CERKL: variants seen among roughly 807,000 people sequenced by gnomAD.
The protein encoded by CERKL is ceramide kinase-like protein.
A neutral mutation model predicts 63.4 loss-of-function variants in CERKL; 61 were observed. The observed-to-expected ratio is 0.96, with a 90% CI of 0.78 to 1.19. CERKL has a LOEUF of 1.19. Among genes scored for constraint, CERKL ranks in the 50% most tolerant of loss-of-function variants. CERKL has a pLI of 0.00. For missense variants in CERKL, 675 were observed against 655.5 expected, an observed-to-expected ratio of 1.03 and a Z score of -0.33; for synonymous variants, 250 against 230.5, an observed-to-expected ratio of 1.08 and a Z score of -0.77.
rs1264403798 is a variant in CERKL at position 181,549,657 on chromosome 2, G to A, written c.872C>T (p.Thr291Ile). ...HSLHGVPHVITATLHIIMGHV... is the reference protein window; with the variant it reads ...HSLHGVPHVIIATLHIIMGHV... Reference sequence around the variant, plus strand: ...ACCCATTATAATGTGCAATGTTGCAGTTATCACATGAGGAACTCCATGAAG... The same window carrying A: ...ACCCATTATAATGTGCAATGTTGCAATTATCACATGAGGAACTCCATGAAG... Residue 291 changes from threonine (T) to isoleucine (I), a missense_variant, in exon 6 of 13, where the codon ACT becomes ATT. By Grantham distance (89) the Thr-to-Ile change is moderately conservative. Coordinates refer to ENST00000410087, the MANE Select transcript of CERKL (RefSeq NM_201548.5). 3 of 1,611,874 alleles carry A rather than the reference G, an allele frequency of 1.9e-6. No homozygotes were observed. The highest frequency in any genetic ancestry group is 1.3e-5 in the African/African-American group (1 of 74,944).
At chr2:181,648,808 A>G (rs1013998226) in intron 1 of CERKL, among the ~76,000 whole-genome samples, 1 of 152,238 alleles carries the variant, frequency 6.6e-6, no homozygotes, top group African/African-American at 2.4e-5. Context: ...AAAAAAGTCT[A>G]GAGTATTTTT....
chr2:181,650,500 T>C (rs991321980), intron 1 of CERKL, among the ~76,000 whole-genome samples: 4 of 152,186 alleles, frequency 2.6e-5, no homozygotes, highest in African/African-American at 9.7e-5. Context: ...GGCTCATGCC[T>C]GTAATCCCAG....
In CERKL at chr2:181,536,785, TTATTTTATGCTTATGATCTAGA is replaced by T; in HGVS notation, c.*1377_*1398del. 4.1e-6 allele frequency: 1 copy of T among 246,582 alleles called. No homozygotes were observed. Among genetic ancestry groups the T allele is most frequent in the Admixed American group, 5.1e-5 (1 of 19,632 alleles). The allele number at this position is 246,582 out of a possible 1,614,324, so 15.3% of individuals were successfully genotyped here. A position where few individuals can be genotyped will look rare whatever the true frequency, so the allele number is the denominator to read the frequency against. Reference sequence around the variant, plus strand: ...TTAAATACAATCATTTTTGTAATATTTATTTTATGCTTATGATCTAGATAATTGCAGAATATCATTTTATCTG... The same window carrying T: ...TTAAATACAATCATTTTTGTAATATTTAATTGCAGAATATCATTTTATCTG... On this transcript the variant is annotated 3_prime_UTR_variant, in exon 13 of 13. Transcript: ENST00000410087.
At chr2:181,567,424 G>A (rs10490686) in intron 3 of CERKL, among the ~76,000 whole-genome samples, 60,940 of 151,904 alleles carry the variant, frequency 0.4, 13,208 homozygotes, top group African/African-American at 0.56. Flanking sequence ...AAGTTTTTCA[G>A]ATCCAATAAT....
chr2:181,609,163 A>G (rs936199442), intron 1 of CERKL, among the ~76,000 whole-genome samples: 1 of 151,964 alleles, frequency 6.6e-6, no homozygotes, highest in African/African-American at 2.4e-5. Flanking sequence ...TGTGCAGCTG[A>G]GTTACATATG....
At position 181,605,053 on chromosome 2, in the gene CERKL, A is replaced by G. The variant is rs143852146; in HGVS notation, c.239-974T>C. Among the ~76,000 whole-genome samples the G allele has an allele frequency of 2.8e-3, 433 of 152,340 alleles. 2 individuals are homozygous for G. Among genetic ancestry groups the G allele is most frequent in the Admixed American group, 4.9e-3 (75 of 15,310 alleles). Reference sequence around the variant, plus strand: ...AAACTAGTTTTACCTTTCACCTAAAACTACAAAAGCACACAAGATACGTGA... The same window carrying G: ...AAACTAGTTTTACCTTTCACCTAAAGCTACAAAAGCACACAAGATACGTGA... On this transcript the variant is annotated intron_variant, in intron 1 of 12. Transcript: ENST00000410087.
intron 1 of CERKL, among the ~76,000 whole-genome samples, chr2:181,655,813 T>TCTC (rs1688128144): frequency 6.6e-6 from 1 of 152,224 alleles, no homozygotes; most frequent in Non-Finnish European, 1.5e-5. Flanking sequence ...CCCCAAGTCA[T>TCTC]CTCCTCGCAA....
At chr2:181,598,816 C>A (rs1175612862) in intron 2 of CERKL, among the ~76,000 whole-genome samples, 1 of 151,894 alleles carries the variant, frequency 6.6e-6, no homozygotes, top group Admixed American at 6.6e-5. Flanking sequence ...TGAAAGCACC[C>A]AGAAACAAAG....
At chr2:181,614,655 A>G (rs1209048094) in intron 1 of CERKL, among the ~76,000 whole-genome samples, 1 of 152,186 alleles carries the variant, frequency 6.6e-6, no homozygotes, top group African/African-American at 2.4e-5. Context: ...TTATAGTACA[A>G]GTTTCTGCTA....
chr2:181,617,325 G>A (rs1686240961), intron 1 of CERKL: 1 of 152,172 alleles, frequency 6.6e-6, no homozygotes, highest in African/African-American at 2.4e-5. Context: ...AGTCGCAGCT[G>A]AACTAGCTGT....
intron 2 of CERKL, among the ~76,000 whole-genome samples, chr2:181,594,929 G>A (rs1288916087): frequency 6.6e-6 from 1 of 152,110 alleles, no homozygotes; most frequent in Non-Finnish European, 1.5e-5. Flanking sequence ...TATCATTAAT[G>A]ATAGTCTAAT....
chr2:181,629,599 C>G (rs1195002847), intron 1 of CERKL, among the ~76,000 whole-genome samples: 1 of 150,578 alleles, frequency 6.6e-6, no homozygotes, highest in East Asian at 2.0e-4. Context: ...GTGGTTCTGA[C>G]ACTACTCTCT....
At chr2:181,589,655 C>CA (rs1375430914) in intron 2 of CERKL, among the ~76,000 whole-genome samples, 1 of 152,014 alleles carries the variant, frequency 6.6e-6, no homozygotes, top group South Asian at 2.1e-4. Context: ...TTCTACCATA[C>CA]AAAAAATAAA....
intron 2 of CERKL, among the ~76,000 whole-genome samples, chr2:181,580,287 C>T (rs1033061243): frequency 5.3e-5 from 8 of 151,818 alleles, no homozygotes; most frequent in Non-Finnish European, 8.8e-5. Context: ...ATCAGCTTTT[C>T]GTTGCTGCTG....
chr2:181,607,315 T>G (rs1371093843), intron 1 of CERKL, among the ~76,000 whole-genome samples: 3 of 152,222 alleles, frequency 2.0e-5, no homozygotes, highest in African/African-American at 7.2e-5. Flanking sequence ...TTGATCATAT[T>G]ATGAAGTTAT....
intron 3 of CERKL, among the ~76,000 whole-genome samples, chr2:181,569,612 C>A (rs916784745): frequency 1.3e-5 from 2 of 152,110 alleles, no homozygotes; most frequent in Non-Finnish European, 2.9e-5. Context: ...CTCCCAAGAG[C>A]CCTGAGCTGG....
At position 181,565,568 on chromosome 2, in the gene CERKL, CTTA is replaced by C. The variant is rs888911800; in HGVS notation, c.677+487_677+489del. 6 of 1,188,976 alleles carry C rather than the reference CTTA, an allele frequency of 5.0e-6. No homozygotes were observed. In the African/African-American group the frequency reaches 9.0e-5, roughly 18 times the overall value. 73.7% of individuals were successfully genotyped at this position (1,188,976 alleles called of 1,614,324 possible). A position where few individuals can be genotyped will look rare whatever the true frequency, so the allele number is the denominator to read the frequency against. ...CATTATGAGATAATTAAAATTATTT[CTTA>C]TTGTTTCTGGAAATAATGTATTTAT... On this transcript the variant is annotated intron_variant, in intron 4 of 12. Transcript: ENST00000410087.
chr2:181,561,487 C>G (rs1205536018), intron 4 of CERKL, among the ~76,000 whole-genome samples: 5 of 151,776 alleles, frequency 3.3e-5, no homozygotes, highest in Middle Eastern at 3.4e-3. Context: ...CAACCTGACT[C>G]TGGTATAGCA....
intron 2 of CERKL, among the ~76,000 whole-genome samples, chr2:181,591,173 T>G (rs1684975855): frequency 6.6e-6 from 1 of 152,142 alleles, no homozygotes; most frequent in African/African-American, 2.4e-5. Flanking sequence ...CGTTACTTTC[T>G]GTGTAAAAAA....
Sources: allele counts gnomAD v4.1 joint callset (sites outside exome capture counted in the v4.1 genomes callset), GRCh38; gene constraint gnomAD v4.1.1; transcripts MANE v1.5; gene names NCBI Gene and HGNC (gene_info 2026-07-23, HGNC 2026-07-21).